The following TRAK1 variants were observed in gnomAD, a reference collection of about 807,000 sequenced individuals.
The protein encoded by TRAK1 is trafficking kinesin-binding protein 1.
TRAK1 carries 33 observed loss-of-function variants against 92.1 expected under a neutral mutation model. That is an observed-to-expected ratio of 0.36 (90% CI 0.27 to 0.48). The LOEUF (loss-of-function observed/expected upper bound fraction) is 0.48. Ranked by LOEUF, TRAK1 falls within the 20% of genes least tolerant of loss-of-function variation. TRAK1 has a pLI of 0.99. For missense variants in TRAK1, 1,123 were observed against 1,257.9 expected, an observed-to-expected ratio of 0.89 and a Z score of 1.62; for synonymous variants, 521 against 517.3, an observed-to-expected ratio of 1.01 and a Z score of -0.10.
rs111502884 is a variant in TRAK1 at position 42,200,709 on chromosome 3, C to G, written c.1191-109C>G. ...CACAGGATAGCAGGCTGCTGGGGGA[C>G]TCGTCATAGGCCAGGTGCCCTTTTG... On this transcript the variant is annotated intron_variant, in intron 11 of 15. Coordinates refer to ENST00000327628, the MANE Select transcript of TRAK1 (RefSeq NM_001042646.3). The G allele has an allele frequency of 2.6e-4, 285 of 1,086,730 alleles. No homozygotes were observed. In the African/African-American group the frequency reaches 3.7e-3, roughly 14 times the overall value. The allele number at this position is 1,086,730 out of a possible 1,614,324, so 67.3% of individuals were successfully genotyped here.
rs1710676568 is a variant in TRAK1 at position 42,225,232 on chromosome 3, A to G, written c.*1495A>G. ...ATGGTGTCCTGTGACACCGTGTTCC[A>G]GACATTTATGGAAGGAAAACATCCC... On this transcript the variant is annotated 3_prime_UTR_variant, in exon 16 of 16. Transcript: ENST00000327628. The G allele has an allele frequency of 1.3e-5, 2 of 152,158 alleles. No homozygotes were observed. The highest frequency in any genetic ancestry group is 4.1e-4 in the South Asian group (2 of 4,820). 9.4% of individuals were successfully genotyped at this position (152,158 alleles called of 1,614,324 possible).
At chr3:42,074,379 A>G (rs1275641211) in intron 1 of TRAK1, among the ~76,000 whole-genome samples, 1 of 152,216 alleles carries the variant, frequency 6.6e-6, no homozygotes, top group Non-Finnish European at 1.5e-5. Context: ...CCTTCTACGC[A>G]GGCATCAGTT....
chr3:42,175,202 T>C (rs1703042581), intron 2 of TRAK1, among the ~76,000 whole-genome samples: 2 of 152,040 alleles, frequency 1.3e-5, no homozygotes, highest in South Asian at 2.1e-4. Context: ...TGTTACCTGG[T>C]GTATAAAGGG....
At chr3:42,017,780 G>T (rs1701579660) in intron 1 of TRAK1, among the ~76,000 whole-genome samples, 1 of 152,126 alleles carries the variant, frequency 6.6e-6, no homozygotes, top group Non-Finnish European at 1.5e-5. Context: ...AGGTGAAACA[G>T]GGTGGAATGG....
intron 2 of TRAK1, among the ~76,000 whole-genome samples, chr3:42,156,982 C>T (rs1049836374): frequency 2.6e-5 from 4 of 151,576 alleles, no homozygotes; most frequent in African/African-American, 9.7e-5. Context: ...GGTGAAACCC[C>T]ATCTTTACTA....
At chr3:42,221,758 C>T (rs756240552) in intron 15 of TRAK1, 17 of 152,148 alleles carry the variant, frequency 1.1e-4, no homozygotes, top group Non-Finnish European at 2.2e-4. Context: ...CTTGGTTGCT[C>T]ATTGAGAAGC....
intron 1 of TRAK1, among the ~76,000 whole-genome samples, chr3:42,071,931 C>T (rs1576239429): frequency 6.6e-6 from 1 of 152,306 alleles, no homozygotes; most frequent in Middle Eastern, 3.4e-3. Flanking sequence ...CTCCTACCAC[C>T]CTTCCTGGCT....
At chr3:42,078,550 G>A (rs376938751) in intron 1 of TRAK1, among the ~76,000 whole-genome samples, 9 of 151,836 alleles carry the variant, frequency 5.9e-5, no homozygotes, top group Admixed American at 3.3e-4. Flanking sequence ...TCAGGAGATC[G>A]AGACCATCCT....
intron 1 of TRAK1, among the ~76,000 whole-genome samples, chr3:42,015,414 G>A (rs1316608049): frequency 6.6e-6 from 1 of 151,990 alleles, no homozygotes; most frequent in African/African-American, 2.4e-5. Flanking sequence ...CCCAGCGCTC[G>A]CTTGAGGGTG....
intron 13 of TRAK1, among the ~76,000 whole-genome samples, chr3:42,208,582 A>C (rs1708605836): frequency 6.6e-6 from 1 of 152,150 alleles, no homozygotes; most frequent in Non-Finnish European, 1.5e-5. Flanking sequence ...GGTATCCTGG[A>C]GGGCTTCTTG....
At position 42,194,863 on chromosome 3, in the gene TRAK1, G is replaced by A. The variant is rs1175101229; in HGVS notation, c.1035G>A (p.Glu345=). The part of the protein sequence containing the change: ...ECMEMLHEAQ[E]ELKNLRNKTM... Reference sequence around the variant, plus strand: ...TGGAGATGCTGCATGAGGCGCAGGAGGAGCTGAAGAACCTCCGGAACAAAA... The same window carrying A: ...TGGAGATGCTGCATGAGGCGCAGGAAGAGCTGAAGAACCTCCGGAACAAAA... The change falls in exon 10 of 16, where the codon GAG becomes GAA. Residue 345 remains glutamate, a synonymous_variant. Coordinates refer to ENST00000327628, the MANE Select transcript of TRAK1 (RefSeq NM_001042646.3). 6.2e-7 allele frequency: 1 copy of A among 1,614,000 alleles called. No homozygotes were observed. The highest frequency in any genetic ancestry group is 1.7e-5 in the Admixed American group (1 of 59,998).
rs552260942 is a variant in TRAK1 at position 42,057,628 on chromosome 3, G to T, written c.-518-29476G>T. ...TGGGGAGGTTTTGTTATGTTTGCTGGTGATGCTGTATCTGCTGCTCTCATC... is the reference window on the plus strand; with the variant it reads ...TGGGGAGGTTTTGTTATGTTTGCTGTTGATGCTGTATCTGCTGCTCTCATC... On this transcript the variant is annotated intron_variant, in intron 1 of 16. Coordinates refer to the TRAK1 transcript ENST00000487159. Among the ~76,000 whole-genome samples the T allele has an allele frequency of 2.6e-5, 4 of 152,114 alleles. No homozygotes were observed. The South Asian group carries it at 8.3e-4, about 32-fold the overall frequency.
Position 42,055,117 on chromosome 3 carries a change from G to A in TRAK1, c.-518-31987G>A, listed in dbSNP as rs148739809. 5.6e-3 allele frequency among the ~76,000 whole-genome samples: 852 copies of A among 151,674 alleles called. 8 individuals are homozygous for A. The highest frequency in any genetic ancestry group is 0.02 in the African/African-American group (821 of 41,398). The stretch of plus-strand genomic sequence containing the variant: ...GTATTTTTAGTAGAGACAGGGTTTC[G>A]CCATGTTGGCCAGGCTGGCCTCAAA... On this transcript the variant is annotated intron_variant, in intron 1 of 16. Coordinates refer to the TRAK1 transcript ENST00000487159.
rs1005572683 is a variant in TRAK1, at chr3:42,202,350, G to T, written c.1428-86G>T. The T allele has an allele frequency of 2.2e-5, 29 of 1,315,336 alleles. No homozygotes were observed. Among genetic ancestry groups the T allele is most frequent in the Middle Eastern group, 3.0e-4 (1 of 3,360 alleles). 81.5% of individuals were successfully genotyped at this position (1,315,336 alleles called of 1,614,324 possible). ...GGAGAATCCTGTAGCCCCAGGGAAC[G>T]TCCACCGCTGTGCATTGAGCAGTCG... On this transcript the variant is annotated intron_variant, in intron 12 of 15. Coordinates refer to ENST00000327628, the MANE Select transcript of TRAK1 (RefSeq NM_001042646.3). This position sits in a 1 kb window ranked among gnomAD's most constrained non-coding sequence, Gnocchi z 6.1.
intron 1 of TRAK1, among the ~76,000 whole-genome samples, chr3:42,046,987 G>T (rs1319657934): frequency 6.6e-6 from 1 of 152,058 alleles, no homozygotes; most frequent in African/African-American, 2.4e-5. Flanking sequence ...AAACTGATTA[G>T]AATGGAAGAT....
intron 15 of TRAK1, chr3:42,221,963 A>T (rs1017213098): frequency 7.1e-6 from 1 of 140,978 alleles, no homozygotes; most frequent in Non-Finnish European, 1.5e-5. Flanking sequence ...GTTTTTAGGG[A>T]TACTGAATTA....
upstream of TRAK1, among the ~76,000 whole-genome samples, chr3:42,089,210 A>G (rs1388777541): frequency 1.3e-5 from 2 of 152,122 alleles, no homozygotes; most frequent in Non-Finnish European, 2.9e-5. Flanking sequence ...TCTGCGATTC[A>G]TACCCCAGTT....
intron 1 of TRAK1, among the ~76,000 whole-genome samples, chr3:42,121,080 T>C (rs1709784898): frequency 6.6e-6 from 1 of 152,148 alleles, no homozygotes; most frequent in African/African-American, 2.4e-5. Flanking sequence ...AGGCTGCTCC[T>C]ACCTGATCTG....
intron 1 of TRAK1, among the ~76,000 whole-genome samples, chr3:42,020,414 T>C (rs1208763694): frequency 6.6e-6 from 1 of 152,228 alleles, no homozygotes; most frequent in East Asian, 1.9e-4. Context: ...GTGTGTACTT[T>C]TGTGTCTGGT....
Sources: gnomAD v4.1 joint callset for allele counts (sites outside exome capture counted in the v4.1 genomes callset) on GRCh38, gnomAD v4.1.1 for gene constraint, Gnocchi (gnomAD v3.1) non-coding constraint, MANE v1.5 for transcripts, NCBI Gene and HGNC (gene_info 2026-07-23, HGNC 2026-07-21) for gene names.